Variants in CADM2 observed in about 807,000 individuals in gnomAD.
CADM2 encodes immunoglobulin superfamily member 4D.
CADM2 carries 12 observed loss-of-function variants against 49.8 expected under a neutral mutation model. The ratio of observed to expected loss-of-function variants is 0.24; its 90% CI spans 0.15 to 0.39. CADM2 has a LOEUF of 0.39. CADM2 is among the 10% of genes least tolerant of loss of function. The pLI, the probability that CADM2 is intolerant of heterozygous loss-of-function variation, is 1.00. For missense variants in CADM2, 378 were observed against 492.3 expected, an observed-to-expected ratio of 0.77 and a Z score of 2.20; for synonymous variants, 214 against 175.4, an observed-to-expected ratio of 1.22 and a Z score of -1.74.
intron 8 of CADM2, among the ~76,000 whole-genome samples, chr3:86,029,590 A>T (rs995327181): frequency 6.6e-6 from 1 of 151,924 alleles, no homozygotes; most frequent in African/African-American, 2.4e-5. Flanking sequence ...TAGGATAATA[A>T]TATCAAGGAA....
At chr3:85,595,176 T>C (rs1486744156) in intron 1 of CADM2, among the ~76,000 whole-genome samples, 2 of 152,026 alleles carry the variant, frequency 1.3e-5, no homozygotes, top group East Asian at 3.9e-4. Context: ...CAAATCATTC[T>C]TAGGGCTGAA....
chr3:85,260,064 AT>A (rs1218767636), intron 1 of CADM2, among the ~76,000 whole-genome samples: 49 of 151,972 alleles, frequency 3.2e-4, no homozygotes, highest in Admixed American at 3.2e-3. Context: ...TTTTTTAAAT[AT>A]TTTTTTCTGA....
At chr3:85,380,241 G>T (rs2033824299) in intron 1 of CADM2, among the ~76,000 whole-genome samples, 1 of 151,904 alleles carries the variant, frequency 6.6e-6, no homozygotes, top group Non-Finnish European at 1.5e-5. Flanking sequence ...CAATACCAAT[G>T]ATTTAGAATC....
At chr3:85,637,197 C>T (rs573894263) in intron 1 of CADM2, among the ~76,000 whole-genome samples, 5 of 152,232 alleles carry the variant, frequency 3.3e-5, no homozygotes, top group African/African-American at 9.6e-5. Flanking sequence ...GATAAATCCT[C>T]ATGTTGATAC....
intron 8 of CADM2, among the ~76,000 whole-genome samples, chr3:85,985,721 G>A (rs928262826): frequency 4.0e-5 from 6 of 151,896 alleles, no homozygotes; most frequent in African/African-American, 1.5e-4. Context: ...CTTTCTGAAA[G>A]ATCTTAATAA....
intron 1 of CADM2, among the ~76,000 whole-genome samples, chr3:85,617,590 G>A (rs1357083796): frequency 2.0e-5 from 3 of 152,096 alleles, no homozygotes; most frequent in Non-Finnish European, 4.4e-5. Flanking sequence ...TAAATCATTG[G>A]CTGTTGTTGA....
chr3:85,157,912 A>C (rs1364061037), intron 1 of CADM2, among the ~76,000 whole-genome samples: 1 of 152,164 alleles, frequency 6.6e-6, no homozygotes, highest in Admixed American at 6.5e-5. Flanking sequence ...CAACCTACAA[A>C]ATGGGAGAAA....
rs542486003 is a variant in CADM2, at chr3:85,066,395, T to A, written c.61+106727T>A. ...GAATCAGCATTTAAAAAAAAAAAAA[T>A]CCCCAAAGTGCTATGATATTCAGTC... is the stretch of plus-strand genomic sequence containing the variant. On this transcript the variant is annotated intron_variant, in intron 1 of 9. Transcript: ENST00000383699. 2.0e-5 allele frequency among the ~76,000 whole-genome samples: 3 copies of A among 147,502 alleles called. No homozygotes were observed. In the East Asian group the frequency reaches 6.0e-4, roughly 30 times the overall value.
chr3:85,875,014 T>C (rs548264662), intron 3 of CADM2, among the ~76,000 whole-genome samples: 243 of 152,294 alleles, frequency 1.6e-3, no homozygotes, highest in Admixed American at 2.3e-3. Flanking sequence ...ATGTATTGCT[T>C]AGGTTCTGTT....
intron 1 of CADM2, among the ~76,000 whole-genome samples, chr3:85,067,158 A>G (rs2036555649): frequency 6.6e-6 from 1 of 152,076 alleles, no homozygotes; most frequent in Non-Finnish European, 1.5e-5. Flanking sequence ...CCCAACAGCA[A>G]TTTATCTCTG....
At chr3:85,944,938 T>A (rs1423727148) in intron 7 of CADM2, among the ~76,000 whole-genome samples, 1 of 151,900 alleles carries the variant, frequency 6.6e-6, no homozygotes, top group East Asian at 1.9e-4. Flanking sequence ...AGAGCAGAAC[T>A]GAAGGAAATA....
chr3:85,983,728 G>A (rs1197564133), intron 8 of CADM2, among the ~76,000 whole-genome samples: 1 of 151,370 alleles, frequency 6.6e-6, no homozygotes, highest in Non-Finnish European at 1.5e-5. Context: ...TTGATTGTAT[G>A]AAACAAACAT....
chr3:85,037,486 T>G (rs899717636), intron 1 of CADM2, among the ~76,000 whole-genome samples: 1 of 152,236 alleles, frequency 6.6e-6, no homozygotes, highest in African/African-American at 2.4e-5. Flanking sequence ...CTTTTCTATT[T>G]CTGTTCTTAG....
chr3:85,553,348 A>C (rs2061865639), intron 1 of CADM2, among the ~76,000 whole-genome samples: 1 of 152,130 alleles, frequency 6.6e-6, no homozygotes, highest in Non-Finnish European at 1.5e-5. Context: ...AATTGTATAC[A>C]AGAAGCAGCT....
intron 1 of CADM2, among the ~76,000 whole-genome samples, chr3:85,606,442 A>G (rs1196564947): frequency 6.6e-6 from 1 of 152,098 alleles, no homozygotes; most frequent in Non-Finnish European, 1.5e-5. Flanking sequence ...GAGTTTTAAT[A>G]TATCTCACTT....
intron 8 of CADM2, among the ~76,000 whole-genome samples, chr3:86,039,021 C>T (rs746396777): frequency 1.2e-4 from 19 of 152,154 alleles, no homozygotes; most frequent in Non-Finnish European, 2.4e-4. Context: ...CTCTATATGT[C>T]CGTACTCTTT....
At chr3:85,608,054 G>A (rs1348059609) in intron 1 of CADM2, among the ~76,000 whole-genome samples, 1 of 152,062 alleles carries the variant, frequency 6.6e-6, no homozygotes, top group African/African-American at 2.4e-5. Context: ...GTGATATAAT[G>A]TTTATCCTAG....
At chr3:85,966,650 T>G (rs547345414) in intron 8 of CADM2, among the ~76,000 whole-genome samples, 1 of 151,742 alleles carries the variant, frequency 6.6e-6, no homozygotes, top group Admixed American at 6.6e-5. Context: ...TCTCTATAAT[T>G]AGTATTATGA....
At chr3:86,020,444 T>C (rs1238681305) in intron 8 of CADM2, among the ~76,000 whole-genome samples, 1 of 151,950 alleles carries the variant, frequency 6.6e-6, no homozygotes, top group Non-Finnish European at 1.5e-5. Flanking sequence ...CTGAAACTAC[T>C]CCAATCAATA....
Sources: allele counts gnomAD v4.1 joint callset (sites outside exome capture counted in the v4.1 genomes callset), GRCh38; gene constraint gnomAD v4.1.1; transcripts MANE v1.5; gene names NCBI Gene and HGNC (gene_info 2026-07-23, HGNC 2026-07-21).